Variants in PID1 observed in about 807,000 individuals in gnomAD.
PID1 encodes PTB-containing, cubilin and LRP1-interacting protein.
PID1 carries 10 observed loss-of-function variants against 19.1 expected under a neutral mutation model. The observed-to-expected ratio is 0.52, with a 90% confidence interval of 0.32 to 0.89. The LOEUF is 0.89. Among genes scored for constraint, PID1 ranks in the 40% least tolerant of loss-of-function variants. The pLI is 0.03. For synonymous variants in PID1, 130 were observed against 116.0 expected (o/e 1.12, Z -0.78); for missense variants, 248 against 285.3 (o/e 0.87, Z 0.94).
chr2:229,197,145 A>C (rs1369718689), intron 1 of PID1, among the ~76,000 whole-genome samples: 3 of 152,072 alleles, frequency 2.0e-5, no homozygotes. Flanking sequence ...GTGAAATAAC[A>C]AATAATACTA....
intron 1 of PID1, chr2:229,232,011 G>A: frequency 1.3e-6 from 2 of 1,550,254 alleles, no homozygotes; most frequent in Non-Finnish European, 1.7e-6. Flanking sequence ...AGGAAGGAAT[G>A]CTGTGTCCTC....
intron 1 of PID1, among the ~76,000 whole-genome samples, chr2:229,189,799 C>A (rs895329158): frequency 3.3e-5 from 5 of 152,176 alleles, no homozygotes; most frequent in Non-Finnish European, 7.4e-5. Flanking sequence ...AGAGAGTTAA[C>A]TGGACTTAGC....
At chr2:229,153,484 T>C (rs1208702616) in intron 2 of PID1, among the ~76,000 whole-genome samples, 1 of 152,216 alleles carries the variant, frequency 6.6e-6, no homozygotes, top group Non-Finnish European at 1.5e-5. Flanking sequence ...TTCTTCCTGG[T>C]GTCCAAATGA....
intron 2 of PID1, among the ~76,000 whole-genome samples, chr2:229,067,671 T>C (rs565297220): frequency 5.6e-4 from 86 of 152,256 alleles, no homozygotes; most frequent in South Asian, 1.7e-3. Flanking sequence ...GAGAGAGCTC[T>C]AACATGCCTC....
chr2:229,264,341 T>A (rs922517853), intron 1 of PID1, among the ~76,000 whole-genome samples: 2 of 152,158 alleles, frequency 1.3e-5, no homozygotes, highest in African/African-American at 2.4e-5. Context: ...TAACACTTCA[T>A]CCTGACCTGG....
chr2:229,069,852 A>T (rs983034840), intron 2 of PID1, among the ~76,000 whole-genome samples: 1 of 152,332 alleles, frequency 6.6e-6, no homozygotes, highest in East Asian at 1.9e-4. Context: ...CTTTCTTAAA[A>T]ATCCTCTATT....
At chr2:229,035,349 C>A (rs1478444516) in intron 2 of PID1, among the ~76,000 whole-genome samples, 1 of 152,162 alleles carries the variant, frequency 6.6e-6, no homozygotes, top group Non-Finnish European at 1.5e-5. Flanking sequence ...GATCTCCTGT[C>A]TGCCCACCTT....
Position 229,153,572 on chromosome 2 carries a change from T to C in PID1, c.177+2246A>G, listed in dbSNP as rs191879590. Among the ~76,000 whole-genome samples, 10 of 152,302 alleles carry C rather than the reference T, an allele frequency of 6.6e-5. No homozygotes were observed. The East Asian group carries it at 1.9e-3, about 29-fold the overall frequency. On this transcript the variant is annotated intron_variant, in intron 2 of 2. Coordinates refer to ENST00000392055, the MANE Select transcript of PID1 (RefSeq NM_001100818.2). ...AACCCTTGCCCTCTTTGGCACACTC[T>C]TCTGATTTCCTACTATTTTTTTTTC...
At chr2:229,163,674 T>TGTGTGTGTGTGCGCGCGC (rs374622113) in intron 1 of PID1, among the ~76,000 whole-genome samples, 1 of 94,374 alleles carries the variant, frequency 1.1e-5, no homozygotes, top group African/African-American at 3.1e-5. Flanking sequence ...TGTGTGTGTG[T>TGTGTGTGTGTGCGCGCGC]GCGTGTGCGT....
chr2:229,131,950 C>T (rs562464752), intron 2 of PID1, among the ~76,000 whole-genome samples: 1 of 151,854 alleles, frequency 6.6e-6, no homozygotes, highest in South Asian at 2.1e-4. Context: ...GGGAGCAAAC[C>T]CTCTCTAGAG....
intron 2 of PID1, among the ~76,000 whole-genome samples, chr2:229,073,168 G>A (rs990290144): frequency 4.6e-5 from 7 of 152,150 alleles, no homozygotes; most frequent in Admixed American, 1.3e-4. Context: ...TGGGACTACC[G>A]GCGCCCGCCA....
chr2:229,155,793 C>A, intron 2 of PID1, 25 bp downstream of exon 2: 2 of 1,588,056 alleles, frequency 1.3e-6, no homozygotes, highest in East Asian at 2.3e-5. Flanking sequence ...ACCAAGAGAA[C>A]CCCTGCTGGC....
chr2:229,036,312 G>C (rs2106169848), intron 2 of PID1, among the ~76,000 whole-genome samples: 2 of 152,300 alleles, frequency 1.3e-5, no homozygotes, highest in Middle Eastern at 6.8e-3. Context: ...CAGCCCTACA[G>C]GCTTCTGTGT....
chr2:229,151,684 C>T (rs1690256536), intron 2 of PID1, among the ~76,000 whole-genome samples: 3 of 151,862 alleles, frequency 2.0e-5, no homozygotes, highest in Admixed American at 1.3e-4. Flanking sequence ...CATTCTCCTG[C>T]CTCAACCTCC....
At chr2:229,114,174 A>AC (rs1695363067) in intron 2 of PID1, among the ~76,000 whole-genome samples, 8 of 124,566 alleles carry the variant, frequency 6.4e-5, no homozygotes, top group Admixed American at 3.2e-4. Context: ...TCTCCACACA[A>AC]ACACACACAC....
At chr2:229,232,798 T>C (rs1421863645) in intron 1 of PID1, among the ~76,000 whole-genome samples, 17 of 43,030 alleles carry the variant, frequency 4.0e-4, no homozygotes, top group African/African-American at 9.8e-4. Flanking sequence ...AATATATATA[T>C]ATATATATAT....
intron 1 of PID1, among the ~76,000 whole-genome samples, chr2:229,242,377 G>C (rs1191070884): frequency 6.6e-6 from 1 of 151,936 alleles, no homozygotes; most frequent in Non-Finnish European, 1.5e-5. Flanking sequence ...CTTAGTTATA[G>C]GTCCAAAAGA....
chr2:229,071,532 A>G (rs1694452883), intron 2 of PID1, among the ~76,000 whole-genome samples: 1 of 152,240 alleles, frequency 6.6e-6, no homozygotes, highest in African/African-American at 2.4e-5. Flanking sequence ...AGGAAACAAA[A>G]CAGATGGCGC....
intron 1 of PID1, among the ~76,000 whole-genome samples, chr2:229,194,924 T>C (rs558099089): frequency 0.17 from 18 of 104 alleles, no homozygotes; most frequent in East Asian, 0.25. Flanking sequence ...ATCTCATTGC[T>C]ATAAAAAAAT....
Sources: allele counts gnomAD v4.1 joint callset (sites outside exome capture counted in the v4.1 genomes callset), GRCh38; gene constraint gnomAD v4.1.1; transcripts MANE v1.5; gene names NCBI Gene and HGNC (gene_info 2026-07-23, HGNC 2026-07-21).